The following IQGAP1 variants were observed in gnomAD, a reference collection of about 807,000 sequenced individuals.
IQGAP1 encodes IQ motif containing GTPase activating protein 1.
A neutral mutation model predicts 215.6 loss-of-function variants in IQGAP1; 66 were observed. That is an observed-to-expected ratio of 0.31 (90% CI 0.25 to 0.38). IQGAP1 has a LOEUF of 0.38. Among genes scored for constraint, IQGAP1 ranks in the 10% least tolerant of loss-of-function variants. IQGAP1 has a pLI of 1.00. For synonymous variants in IQGAP1, 772 were observed against 728.7 expected, an observed-to-expected ratio of 1.06 and a Z score of -0.96; for missense variants, 1,712 against 1,997.1, an observed-to-expected ratio of 0.86 and a Z score of 2.72.
intron 35 of IQGAP1, among the ~76,000 whole-genome samples, chr15:90,493,687 C>T (rs755334848): frequency 4.6e-5 from 7 of 152,136 alleles, no homozygotes; most frequent in Non-Finnish European, 1.0e-4. Context: ...TCCTCTGTTT[C>T]TCTCTTTCCA....
At position 90,473,508 on chromosome 15, in the gene IQGAP1, G is replaced by C. The variant is rs998249901; in HGVS notation, c.2350-207G>C. On this transcript the variant is annotated intron_variant, in intron 19 of 37. Transcript: ENST00000268182. ...TGTAAAAGGTGTGCAGGGCTGTGCT[G>C]ACGTTGGGGAAGTAGAATGTAGCCA... 5.4e-6 allele frequency: 3 copies of C among 556,144 alleles called. No individual in the cohort carries two copies. In the African/African-American group the frequency reaches 5.7e-5, roughly 11 times the overall value. The allele number at this position is 556,144 out of a possible 1,614,324, so 34.5% of individuals were successfully genotyped here. A position where few individuals can be genotyped will look rare whatever the true frequency, so the allele number is the denominator to read the frequency against.
At chr15:90,439,486 G>A (rs1047467992) in intron 6 of IQGAP1, 87 bp downstream of exon 6, 1 of 1,030,668 alleles carries the variant, frequency 9.7e-7, no homozygotes, top group Non-Finnish European at 1.5e-6. Flanking sequence ...AAGACCTAGG[G>A]CTTTAAAAAT....
Position 90,501,502 on chromosome 15 carries a change from T to G in IQGAP1, c.*1394T>G, listed in dbSNP as rs1052888875. ...TTCTTTTATCATAAATTTTTAGCAT[T>G]TAAAAATTCACTGATGTACATTAAG... On this transcript the variant is annotated 3_prime_UTR_variant, in exon 38 of 38. Transcript: ENST00000268182. The G allele has an allele frequency of 6.6e-5, 10 of 152,198 alleles. No homozygotes were observed. The highest frequency in any genetic ancestry group is 1.2e-4 in the Non-Finnish European group (8 of 68,034). 9.4% of individuals were successfully genotyped at this position (152,198 alleles called of 1,614,324 possible). A position where few individuals can be genotyped will look rare whatever the true frequency, so the allele number is the denominator to read the frequency against.
chr15:90,388,379 C>T lies in IQGAP1; in HGVS notation c.38C>T (p.Ala13Val), dbSNP rs555474778. ...AADEVDGLGV[A>V]RPHYGSVLDN... is the part of the protein sequence containing the mutation. The stretch of plus-strand genomic sequence containing the variant: ...GACGAGGTTGACGGGCTGGGCGTGG[C>T]CCGGCCGCACTATGGCTGTGAGTGC... Residue 13 changes from alanine to valine, a missense_variant, in exon 1 of 38, where the codon GCC becomes GTC. Physicochemically the swap from Ala to Val is moderately conservative, Grantham distance 64. Coordinates refer to ENST00000268182, the MANE Select transcript of IQGAP1 (RefSeq NM_003870.4). 21 of 1,590,878 alleles carry T rather than the reference C, an allele frequency of 1.3e-5. No homozygotes were observed. The highest frequency in any genetic ancestry group is 4.8e-5 in the East Asian group (2 of 41,944).
In IQGAP1 at chr15:90,470,864, C is replaced by T. The variant is rs565614280; in HGVS notation, c.2179-1976C>T. On this transcript the variant is annotated intron_variant, in intron 18 of 37. Coordinates refer to ENST00000268182, the MANE Select transcript of IQGAP1 (RefSeq NM_003870.4). ...CCTTTGGCTTCTGCCATCCAACTCT[C>T]TTCTAATTTTCCTGCTTCTAAATGT... is the stretch of plus-strand genomic sequence containing the variant. Among the ~76,000 whole-genome samples, 35 of 152,300 alleles carry T rather than the reference C, an allele frequency of 2.3e-4. No homozygotes were observed. In the South Asian group the frequency reaches 6.4e-3, roughly 28 times the overall value.
At position 90,500,157 on chromosome 15, in the gene IQGAP1, C is replaced by T. The variant is rs1966323830; in HGVS notation, c.*49C>T. 9.6e-7 allele frequency: 1 copy of T among 1,036,390 alleles called. No individual in the cohort carries two copies. The allele number at this position is 1,036,390 out of a possible 1,614,324, so 64.2% of individuals were successfully genotyped here. ...AAGGATGAAGGAAAGAAGCACCTCA[C>T]AGCTCCTTTCTAGGTCCTTCTTTCC... On this transcript the variant is annotated 3_prime_UTR_variant, in exon 38 of 38. Transcript: ENST00000268182.
At chr15:90,475,614 A>G (rs936689785) in intron 23 of IQGAP1, 2 of 151,892 alleles carry the variant, frequency 1.3e-5, no homozygotes, top group South Asian at 2.1e-4. Flanking sequence ...TTAGCTGGAC[A>G]TGGTAGTACA....
At chr15:90,494,144 G>A (rs1966242328) in intron 35 of IQGAP1, 1 of 152,104 alleles carries the variant, frequency 6.6e-6, no homozygotes, top group East Asian at 1.9e-4. Context: ...AAATTCTGCA[G>A]CAAATAACCT....
chr15:90,487,877 C>A (rs572795543), intron 33 of IQGAP1, among the ~76,000 whole-genome samples: 1 of 152,286 alleles, frequency 6.6e-6, no homozygotes, highest in Non-Finnish European at 1.5e-5. Flanking sequence ...CCATTCTCCC[C>A]ACCCCCGGCC....
At chr15:90,402,868 G>T (rs926376499) in intron 2 of IQGAP1, among the ~76,000 whole-genome samples, 12 of 152,008 alleles carry the variant, frequency 7.9e-5, no homozygotes, top group African/African-American at 2.9e-4. Context: ...CATGCAGTAG[G>T]CATTAATCAG....
intron 37 of IQGAP1, 64 bp downstream of exon 37, chr15:90,497,404 T>C (rs763170259): frequency 3.9e-5 from 32 of 825,252 alleles, no homozygotes; most frequent in South Asian, 4.3e-5. Context: ...GTAGGAGAAA[T>C]AGATAAAGAG....
rs76117737 is a variant in IQGAP1, at chr15:90,406,922, A to G, written c.155+16049A>G. 8.7e-3 allele frequency among the ~76,000 whole-genome samples: 1,322 copies of G among 152,312 alleles called. 38 individuals are homozygous for G. In the East Asian group the frequency reaches 0.11, roughly 13 times the overall value. Reference sequence around the variant, plus strand: ...AGAAACCTGAGAAGTTCATTAACTCATTAGTAGATATATGGTATATGCAGC... The same window carrying G: ...AGAAACCTGAGAAGTTCATTAACTCGTTAGTAGATATATGGTATATGCAGC... On this transcript the variant is annotated intron_variant, in intron 2 of 37. Transcript: ENST00000268182.
At chr15:90,407,796 T>G (rs924983192) in intron 2 of IQGAP1, among the ~76,000 whole-genome samples, 5 of 152,240 alleles carry the variant, frequency 3.3e-5, no homozygotes, top group Non-Finnish European at 7.3e-5. Context: ...AAACACGTTT[T>G]TAGCTCCTCC....
At chr15:90,390,925 T>A in intron 2 of IQGAP1, 52 bp downstream of exon 2, 1 of 1,092,652 alleles carries the variant, frequency 9.2e-7, no homozygotes, top group Non-Finnish European at 1.4e-6. Flanking sequence ...CTGATAATAG[T>A]GTGAATACAA....
At chr15:90,397,610 A>C (rs1963634) in intron 2 of IQGAP1, among the ~76,000 whole-genome samples, 24,409 of 140,290 alleles carry the variant, frequency 0.17, 2,607 homozygotes, top group East Asian at 0.47. Context: ...TCCGCCTCCC[A>C]GGTTCTCACC....
chr15:90,404,362 TG>T (rs1443717078), intron 2 of IQGAP1, among the ~76,000 whole-genome samples: 1 of 152,144 alleles, frequency 6.6e-6, no homozygotes, highest in African/African-American at 2.4e-5. Flanking sequence ...TAGGTGAAAA[TG>T]GTATTTCATT....
At chr15:90,479,108 C>T (rs1966020793) in intron 26 of IQGAP1, among the ~76,000 whole-genome samples, 1 of 152,142 alleles carries the variant, frequency 6.6e-6, no homozygotes, top group Non-Finnish European at 1.5e-5. Context: ...TTAGATCATG[C>T]ATGAAGCTCT....
intron 37 of IQGAP1, among the ~76,000 whole-genome samples, chr15:90,498,180 A>T (rs905664190): frequency 6.6e-6 from 1 of 152,008 alleles, no homozygotes; most frequent in African/African-American, 2.4e-5. Context: ...CTCTGTTTAC[A>T]GTAGGTGTTG....
intron 11 of IQGAP1, 61 bp from the exon 12 acceptor site, chr15:90,452,714 A>G (rs1478661506): frequency 1.3e-6 from 2 of 1,537,476 alleles, no homozygotes; most frequent in Non-Finnish European, 1.8e-6. Context: ...GAAGATTGGC[A>G]CCTTCTTCCC....
Sources: gnomAD v4.1 joint callset for allele counts (sites outside exome capture counted in the v4.1 genomes callset) on GRCh38, gnomAD v4.1.1 for gene constraint, MANE v1.5 for transcripts, NCBI Gene and HGNC (gene_info 2026-07-23, HGNC 2026-07-21) for gene names.